Variants in C8orf34 observed in about 807,000 individuals in gnomAD.
C8orf34 encodes the protein uncharacterized protein C8orf34.
In C8orf34, 65 loss-of-function variants were observed where a neutral mutation model predicts 68.3. The ratio of observed to expected loss-of-function variants is 0.95; its 90% CI spans 0.78 to 1.17. The LOEUF (loss-of-function observed/expected upper bound fraction) is 1.17, where lower values mean the gene tolerates loss of function less well. Among genes scored for constraint, C8orf34 ranks in the 50% most tolerant of loss-of-function variants. The pLI is 0.00. For missense variants in C8orf34, 664 were observed against 655.4 expected, an observed-to-expected ratio of 1.01 and a Z score of -0.14; for synonymous variants, 244 against 241.2, an observed-to-expected ratio of 1.01 and a Z score of -0.11.
At chr8:68,455,396 T>C (rs1023321422) in intron 3 of C8orf34, among the ~76,000 whole-genome samples, 1 of 152,190 alleles carries the variant, frequency 6.6e-6, no homozygotes, top group Non-Finnish European at 1.5e-5. Context: ...CAATATTTCC[T>C]TCCTATATTT....
chr8:68,789,178 T>C (rs1823924574), intron 12 of C8orf34, among the ~76,000 whole-genome samples: 1 of 152,210 alleles, frequency 6.6e-6, no homozygotes, highest in Non-Finnish European at 1.5e-5. Context: ...GAAAATTTCA[T>C]GTTAAAAAAA....
At chr8:68,627,282 A>G (rs915425576) in intron 7 of C8orf34, among the ~76,000 whole-genome samples, 4 of 152,002 alleles carry the variant, frequency 2.6e-5, no homozygotes, top group Admixed American at 2.6e-4. Context: ...TCTCCTTTCC[A>G]TGGCCTTCTC....
chr8:68,554,013 A>G (rs1239393649), intron 7 of C8orf34, among the ~76,000 whole-genome samples: 1 of 152,176 alleles, frequency 6.6e-6, no homozygotes, highest in Non-Finnish European at 1.5e-5. Context: ...TCATATTTCA[A>G]GAAACTTTTA....
chr8:68,517,946 G>A (rs2129634387), intron 5 of C8orf34, among the ~76,000 whole-genome samples: 1 of 152,244 alleles, frequency 6.6e-6, no homozygotes, highest in South Asian at 2.1e-4. Flanking sequence ...ATGAAAATCT[G>A]CACTGTCAAT....
intron 5 of C8orf34, among the ~76,000 whole-genome samples, chr8:68,494,948 G>C (rs183864260): frequency 6.6e-6 from 1 of 150,936 alleles, no homozygotes; most frequent in South Asian, 2.1e-4. Flanking sequence ...ATTTGTGTGC[G>C]TGTATATGTA....
chr8:68,549,915 C>T (rs1307354489), intron 7 of C8orf34, among the ~76,000 whole-genome samples: 5 of 151,598 alleles, frequency 3.3e-5, no homozygotes, highest in African/African-American at 1.2e-4. Context: ...AATATAGCTA[C>T]TTCATCTCTC....
chr8:68,591,969 T>C (rs956016899), intron 7 of C8orf34, among the ~76,000 whole-genome samples: 14 of 152,144 alleles, frequency 9.2e-5, no homozygotes, highest in African/African-American at 2.7e-4. Context: ...TGGGTGACAT[T>C]ATTATTAAAA....
At chr8:68,696,822 A>G (rs1427466325) in intron 8 of C8orf34, among the ~76,000 whole-genome samples, 2 of 152,112 alleles carry the variant, frequency 1.3e-5, no homozygotes, top group African/African-American at 4.8e-5. Flanking sequence ...TTTGCTTTAT[A>G]TAATTTAGTG....
At chr8:68,478,934 A>T (rs2129630907) in intron 4 of C8orf34, among the ~76,000 whole-genome samples, 1 of 152,298 alleles carries the variant, frequency 6.6e-6, no homozygotes, top group Admixed American at 6.5e-5. Context: ...ACCATATCAT[A>T]TGCATACAAT....
At position 68,521,904 on chromosome 8, in the gene C8orf34, C is replaced by G; in HGVS notation, c.871C>G (p.Pro291Ala). 1.9e-6 allele frequency: 3 copies of G among 1,614,018 alleles called. No homozygotes were observed. The highest frequency in any genetic ancestry group is 1.1e-5 in the South Asian group (1 of 91,062). ...ADPLAAEMLQ[P>A]PIPRSKNDQW... ...TCCCCTAGCTGCTGAAATGCTACAG[C>G]CTCCAATTCCAAGAAGCAAAAATGA... The change falls in exon 6 of 14, where the codon CCT becomes GCT. Residue 291 changes from proline (P) to alanine (A), a missense_variant. Physicochemically the swap from Pro to Ala is conservative, Grantham distance 27. Coordinates refer to ENST00000518698, the MANE Select transcript of C8orf34 (RefSeq NM_052958.4).
Position 68,445,161 on chromosome 8 carries a change from G to A in C8orf34, c.476-1168G>A, listed in dbSNP as rs148461904. Among the ~76,000 whole-genome samples, 328 of 152,250 alleles carry A rather than the reference G, an allele frequency of 2.2e-3. 1 individual carries two copies. Among genetic ancestry groups the A allele is most frequent in the African/African-American group, 7.1e-3 (295 of 41,538 alleles). ...CTTTTTGGTATTTAATGGGATTTTG[G>A]AGGTGGACAAATTGGGTAACAGCTA... On this transcript the variant is annotated intron_variant, in intron 2 of 13. Coordinates refer to ENST00000518698, the MANE Select transcript of C8orf34 (RefSeq NM_052958.4).
intron 8 of C8orf34, among the ~76,000 whole-genome samples, chr8:68,646,340 AAAT>A (rs1362672076): frequency 5.3e-5 from 8 of 151,962 alleles, no homozygotes; most frequent in Admixed American, 2.0e-4. Context: ...TTTAAATAAC[AAAT>A]AATAATTGTA....
intron 9 of C8orf34, among the ~76,000 whole-genome samples, chr8:68,713,520 T>C (rs1262959621): frequency 1.3e-5 from 2 of 152,144 alleles, no homozygotes; most frequent in Non-Finnish European, 2.9e-5. Context: ...AAGGCCACTA[T>C]GAACACCTTT....
intron 1 of C8orf34, among the ~76,000 whole-genome samples, chr8:68,337,778 T>C (rs1303197324): frequency 6.6e-6 from 1 of 152,240 alleles, no homozygotes; most frequent in Non-Finnish European, 1.5e-5. Flanking sequence ...AAATGGCTTA[T>C]ACAATAAATA....
intron 9 of C8orf34, among the ~76,000 whole-genome samples, chr8:68,713,628 A>G (rs1455149214): frequency 1.3e-5 from 2 of 152,126 alleles, no homozygotes; most frequent in Admixed American, 6.6e-5. Flanking sequence ...CTCTGAACAG[A>G]CCCACAACAA....
chr8:68,472,411 G>A (rs965933324), intron 4 of C8orf34, among the ~76,000 whole-genome samples: 3 of 152,090 alleles, frequency 2.0e-5, no homozygotes, highest in African/African-American at 7.2e-5. Flanking sequence ...GGGCACACCT[G>A]ATTAGGTCAG....
At chr8:68,599,237 TTAAA>T (rs1032481274) in intron 7 of C8orf34, among the ~76,000 whole-genome samples, 2 of 152,050 alleles carry the variant, frequency 1.3e-5, no homozygotes, top group African/African-American at 4.8e-5. Context: ...TAAAGAGGAC[TTAAA>T]TAATATATAT....
intron 8 of C8orf34, among the ~76,000 whole-genome samples, chr8:68,652,549 A>C (rs1819392796): frequency 6.6e-6 from 1 of 152,156 alleles, no homozygotes; most frequent in South Asian, 2.1e-4. Context: ...TTTACCACTT[A>C]TATTCAGTTC....
At chr8:68,817,079 T>C (rs1824842339) in intron 13 of C8orf34, among the ~76,000 whole-genome samples, 1 of 152,166 alleles carries the variant, frequency 6.6e-6, no homozygotes, top group African/African-American at 2.4e-5. Flanking sequence ...AAACCTATAA[T>C]GGATCAGGAA....
Sources: allele counts gnomAD v4.1 joint callset (sites outside exome capture counted in the v4.1 genomes callset), GRCh38; gene constraint gnomAD v4.1.1; transcripts MANE v1.5; gene names NCBI Gene and HGNC (gene_info 2026-07-23, HGNC 2026-07-21).